HS6ST2: variants seen among roughly 807,000 people sequenced by gnomAD.
HS6ST2 encodes heparan-sulfate 6-O-sulfotransferase 2.
A neutral mutation model predicts 33.0 loss-of-function variants in HS6ST2; 17 were observed. The ratio of observed to expected loss-of-function variants is 0.52; its 90% CI spans 0.35 to 0.77. The LOEUF (loss-of-function observed/expected upper bound fraction) is 0.77. Ranked by LOEUF, HS6ST2 falls within the 30% of genes least tolerant of loss-of-function variation. The pLI, the probability that HS6ST2 is intolerant of heterozygous loss-of-function variation, is 0.01. For synonymous variants in HS6ST2, 248 were observed against 237.1 expected (o/e 1.05, Z -0.42); for missense variants, 519 against 551.7 (o/e 0.94, Z 0.59).
intron 2 of HS6ST2, among the ~76,000 whole-genome samples, chrX:132,732,465 A>G (rs1345816811): frequency 8.9e-6 from 1 of 111,882 alleles, no homozygotes; most frequent in African/African-American, 3.3e-5. Flanking sequence ...ATACTGCTTG[A>G]TACCGTTTGG....
At chrX:132,688,831 C>T (rs757725558) in intron 3 of HS6ST2, among the ~76,000 whole-genome samples, 1 of 112,173 alleles carries the variant, frequency 8.9e-6, no homozygotes, top group South Asian at 3.8e-4. Flanking sequence ...TCTTAGCTAG[C>T]AGAATAAATT....
chrX:132,678,954 C>T (rs2063945875), intron 3 of HS6ST2, among the ~76,000 whole-genome samples: 1 of 112,245 alleles, frequency 8.9e-6, no homozygotes, highest in African/African-American at 3.2e-5. Context: ...GAGTGAGGCT[C>T]TTTATTGACC....
At chrX:132,787,356 G>A (rs1281768532) in intron 2 of HS6ST2, among the ~76,000 whole-genome samples, 12 of 95,224 alleles carry the variant, frequency 1.3e-4, no homozygotes, top group Non-Finnish European at 1.6e-4. Context: ...GCAGTGGTGC[G>A]ATCTCAGCTC....
intron 2 of HS6ST2, among the ~76,000 whole-genome samples, chrX:132,900,304 A>C (rs1265982878): frequency 8.9e-6 from 1 of 112,176 alleles, no homozygotes; most frequent in African/African-American, 3.2e-5. Context: ...AAATAACACC[A>C]GATGGGATGC....
intron 2 of HS6ST2, among the ~76,000 whole-genome samples, chrX:132,882,079 T>C (rs1419946015): frequency 8.9e-6 from 1 of 111,743 alleles, no homozygotes; most frequent in Non-Finnish European, 1.9e-5. Flanking sequence ...GCCTTGTTCT[T>C]TTGGCTTAGG....
chrX:132,821,434 G>C (rs987939267), intron 2 of HS6ST2, among the ~76,000 whole-genome samples: 3 of 109,545 alleles, frequency 2.7e-5, no homozygotes, highest in Admixed American at 9.8e-5. Context: ...GGATGGTCTT[G>C]ATCTCCTGAC....
intron 3 of HS6ST2, 112 bp from the exon 4 acceptor site, chrX:132,669,311 C>T (rs1281172867): frequency 1.5e-5 from 7 of 482,579 alleles, no homozygotes; most frequent in Non-Finnish European, 2.0e-5. Context: ...ATCCCCCCAC[C>T]ACCCCCTGGC....
chrX:132,629,200 G>T, intron 4 of HS6ST2, 107 bp from the exon 5 acceptor site: 1 of 870,009 alleles, frequency 1.1e-6, no homozygotes, highest in Non-Finnish European at 1.6e-6. Flanking sequence ...GGAAGGCAAA[G>T]CAAAAATGAC....
intron 2 of HS6ST2, among the ~76,000 whole-genome samples, chrX:132,884,760 G>A (rs1443482743): frequency 9.0e-6 from 1 of 111,577 alleles, no homozygotes; most frequent in Non-Finnish European, 1.9e-5. Context: ...GATCATGTTT[G>A]TAGACTAACA....
chrX:132,724,970 C>A (rs1171566237), intron 2 of HS6ST2, among the ~76,000 whole-genome samples: 1 of 111,813 alleles, frequency 8.9e-6, no homozygotes, highest in Non-Finnish European at 1.9e-5. Context: ...TGAAACTAGA[C>A]CCCTATTTCT....
At chrX:132,676,274 G>A (rs1274699806) in intron 3 of HS6ST2, among the ~76,000 whole-genome samples, 1 of 112,279 alleles carries the variant, frequency 8.9e-6, no homozygotes, top group African/African-American at 3.2e-5. Context: ...TAGCCTTGGG[G>A]ATACTATGAT....
At position 132,710,739 on chromosome X, in the gene HS6ST2, C is replaced by A. The variant is rs959104505; in HGVS notation, c.948-2245G>T. ...TTCTCCTTGTGGAAAGCCCTCCCAA[C>A]AGGCTGTAAATCAGGTTTCTTTTCA... On this transcript the variant is annotated intron_variant, in intron 2 of 4. Transcript: ENST00000370833. Among the ~76,000 whole-genome samples, 3 of 111,868 alleles carry A rather than the reference C, an allele frequency of 2.7e-5. No homozygotes were observed. The Admixed American group carries it at 2.9e-4, about 11-fold the overall frequency.
intron 2 of HS6ST2, among the ~76,000 whole-genome samples, chrX:132,828,729 C>G (rs1332209537): frequency 4.4e-5 from 4 of 91,823 alleles, no homozygotes; most frequent in Non-Finnish European, 8.5e-5. Flanking sequence ...CACACACACA[C>G]ACACACACAT....
chrX:132,724,108 A>G (rs1267522995), intron 2 of HS6ST2, among the ~76,000 whole-genome samples: 1 of 110,461 alleles, frequency 9.1e-6, no homozygotes, highest in Admixed American at 9.6e-5. Flanking sequence ...ACTGCACTCC[A>G]GCCTGGTGAC....
At chrX:132,657,429 C>T (rs779799871) in intron 4 of HS6ST2, among the ~76,000 whole-genome samples, 6 of 109,897 alleles carry the variant, frequency 5.5e-5, no homozygotes, top group East Asian at 2.9e-4. Context: ...AAGGACATAA[C>T]GATCTGTGGG....
At chrX:132,880,141 C>A (rs1306237634) in intron 2 of HS6ST2, among the ~76,000 whole-genome samples, 4 of 111,919 alleles carry the variant, frequency 3.6e-5, no homozygotes, top group African/African-American at 1.3e-4. Context: ...TGTTAAAAAA[C>A]TTTTATTCAC....
chrX:132,887,761 T>C (rs1032024742), intron 2 of HS6ST2, among the ~76,000 whole-genome samples: 17 of 112,332 alleles, frequency 1.5e-4, no homozygotes, highest in African/African-American at 5.5e-4. Flanking sequence ...AATATCCATC[T>C]ACTGATGAAT....
chrX:132,842,998 G>A (rs2065721101), intron 2 of HS6ST2, among the ~76,000 whole-genome samples: 1 of 111,882 alleles, frequency 8.9e-6, no homozygotes, highest in South Asian at 3.8e-4. Context: ...ATGCTTCTAG[G>A]TGCAGTTGCA....
chrX:132,672,456 C>T (rs776511499), intron 3 of HS6ST2, among the ~76,000 whole-genome samples: 1 of 111,514 alleles, frequency 9.0e-6, no homozygotes, highest in South Asian at 3.8e-4. Flanking sequence ...TAATCTCAAA[C>T]CTTATGTCCT....
Sources: allele counts gnomAD v4.1 joint callset (sites outside exome capture counted in the v4.1 genomes callset), GRCh38; gene constraint gnomAD v4.1.1; transcripts MANE v1.5; gene names NCBI Gene and HGNC (gene_info 2026-07-23, HGNC 2026-07-21).